TBC1D24: variants seen among roughly 807,000 people sequenced by gnomAD.
TBC1D24 encodes the protein TBC1 domain family member 24.
In TBC1D24, 47 loss-of-function variants were observed where a neutral mutation model predicts 50.7. That is an observed-to-expected ratio of 0.93 (90% CI 0.73 to 1.18). The LOEUF (loss-of-function observed/expected upper bound fraction) is 1.18. Among genes scored for constraint, TBC1D24 ranks in the 50% most tolerant of loss-of-function variants. The pLI is 0.00. For missense variants in TBC1D24, 688 were observed against 766.5 expected, an observed-to-expected ratio of 0.90 and a Z score of 1.21; for synonymous variants, 324 against 335.2, an observed-to-expected ratio of 0.97 and a Z score of 0.36.
Position 2,504,625 on chromosome 16 carries a change from T to G in TBC1D24, c.*3667T>G, listed in dbSNP as rs901298111. ...TAGTAGAGATGGGGTTTCACCGTGT[T>G]AGCCAGGATGGTCTTGATCTCCTGA... On this transcript the variant is annotated 3_prime_UTR_variant, in exon 8 of 8. Transcript: ENST00000646147. The G allele has an allele frequency of 1.3e-5, 2 of 152,124 alleles. No homozygotes were observed. The highest frequency in any genetic ancestry group is 6.6e-5 in the Admixed American group (1 of 15,266). 9.4% of individuals were successfully genotyped at this position (152,124 alleles called of 1,614,324 possible).
At chr16:2,477,882 T>C (rs2065581179) in intron 1 of TBC1D24, 1 of 152,230 alleles carries the variant, frequency 6.6e-6, no homozygotes, top group Non-Finnish European at 1.5e-5. Flanking sequence ...GGACAGTGGA[T>C]ATAAAGTGAC....
chr16:2,492,722 G>A (rs1017574802), intron 1 of TBC1D24, among the ~76,000 whole-genome samples: 1 of 152,194 alleles, frequency 6.6e-6, no homozygotes, highest in African/African-American at 2.4e-5. Flanking sequence ...CTCCCAGGAC[G>A]AAGCAAACCA....
chr16:2,497,982 C>T (rs187714142), intron 3 of TBC1D24, among the ~76,000 whole-genome samples: 67 of 152,346 alleles, frequency 4.4e-4, no homozygotes, highest in Admixed American at 2.0e-3. Flanking sequence ...TGCTCTCTGT[C>T]CTGATTTCTT....
chr16:2,492,844 G>C (rs1404025245), intron 1 of TBC1D24, among the ~76,000 whole-genome samples: 2 of 152,114 alleles, frequency 1.3e-5, no homozygotes, highest in African/African-American at 2.4e-5. Flanking sequence ...TCTAATCTCA[G>C]CACTTTGGGA....
chr16:2,496,584 ATCGACGAGGCCGAGTGCT>A lies in TBC1D24; in HGVS notation c.441_458del (p.Asp147_Phe152del). 1 of 1,609,496 alleles carries A rather than the reference ATCGACGAGGCCGAGTGCT, an allele frequency of 6.2e-7. No homozygotes were observed. The highest frequency in any genetic ancestry group is 1.1e-5 in the South Asian group (1 of 91,088). On this transcript the variant is annotated inframe_deletion, in exon 2 of 8. Transcript: ENST00000646147. ...GGTGGCCCTGCTGCTGCACTACAGC[ATCGACGAGGCCGAGTGCT>A]TCGAGAAGGCCTGCCGCATCCTGGC... is the stretch of plus-strand genomic sequence containing the variant.
rs145100093 is a variant in TBC1D24 at position 2,490,988 on chromosome 16, C to T, written c.-115-5046C>T. On this transcript the variant is annotated intron_variant, in intron 1 of 7. Transcript: ENST00000646147. ...CAGATAGACAACAGGGAAAGCCACT[C>T]GGCCGTGAAAGCTCACCTCCAGAGT... Among the ~76,000 whole-genome samples the T allele has an allele frequency of 4.3e-3, 657 of 152,332 alleles. 2 individuals carry two copies. Among genetic ancestry groups the T allele is most frequent in the Non-Finnish European group, 6.3e-3 (432 of 68,036 alleles).
In TBC1D24 at chr16:2,493,970, G is replaced by T. The variant is rs574540565; in HGVS notation, c.-115-2064G>T. Among the ~76,000 whole-genome samples the T allele has an allele frequency of 2.0e-5, 3 of 152,312 alleles. No individual in the cohort carries two copies. In the East Asian group the frequency reaches 5.8e-4, roughly 29 times the overall value. Reference sequence around the variant, plus strand: ...CCAGCTCTCCCTCTGGAAAATGCCTGCTCCTCACCAGAGATTCCTCCCTGG... The same window carrying T: ...CCAGCTCTCCCTCTGGAAAATGCCTTCTCCTCACCAGAGATTCCTCCCTGG... On this transcript the variant is annotated intron_variant, in intron 1 of 7. Transcript: ENST00000646147.
At position 2,483,109 on chromosome 16, in the gene TBC1D24, G is replaced by T. The variant is rs1374057585; in HGVS notation, c.-116+7939G>T. The T allele has an allele frequency of 2.0e-5, 3 of 152,836 alleles. No homozygotes were observed. The highest frequency in any genetic ancestry group is 2.9e-5 in the Non-Finnish European group (2 of 68,462). The allele number at this position is 152,836 out of a possible 1,614,324, so 9.5% of individuals were successfully genotyped here. ...GAGGTGAGAGCCAGGACTGAGGGGG[G>T]GCCTTGGTCTGTGGTGGGAATGCAG... On this transcript the variant is annotated intron_variant, in intron 1 of 7. Coordinates refer to ENST00000646147, the MANE Select transcript of TBC1D24 (RefSeq NM_001199107.2). This position sits in a 1 kb window ranked among gnomAD's most constrained non-coding sequence, Gnocchi z 4.0.
At position 2,496,631 on chromosome 16, in the gene TBC1D24, C is replaced by T; in HGVS notation, c.483C>T (p.Cys161=). The change falls in exon 2 of 8, where the codon TGC becomes TGT. Residue 161 remains cysteine (C), a synonymous_variant. Coordinates refer to ENST00000646147, the MANE Select transcript of TBC1D24 (RefSeq NM_001199107.2). ...AGAAGGCCTGCCGCATCCTGGCCTG[C>T]AATGACCCCGGCAGGAGGCTGATCG... ...CFEKACRILA[C]NDPGRRLIDQ... 6.2e-7 allele frequency: 1 copy of T among 1,612,086 alleles called. No homozygotes were observed. Among genetic ancestry groups the T allele is most frequent in the African/African-American group, 1.3e-5 (1 of 75,064 alleles).
At position 2,500,372 on chromosome 16, in the gene TBC1D24, C is replaced by T. The variant is rs2141877201; in HGVS notation, c.1407C>T (p.His469=). ...CCGAGCCCACCGCCCCACTCAGCCA[C>T]TCCGCCTCCTCAGACCCCGCTGACC... ...MAAEPTAPLS[H]SASSDPADRL... Residue 469 remains histidine (H), a synonymous_variant, in exon 7 of 8, where the codon CAC becomes CAT. Coordinates refer to ENST00000646147, the MANE Select transcript of TBC1D24 (RefSeq NM_001199107.2). The surrounding 1 kb of genome is among the most constrained non-coding windows in gnomAD (Gnocchi z 8.0). 1.9e-6 allele frequency: 3 copies of T among 1,607,858 alleles called. No individual in the cohort carries two copies. Among genetic ancestry groups the T allele is most frequent in the Non-Finnish European group, 2.5e-6 (3 of 1,177,848 alleles).
Position 2,496,934 on chromosome 16 carries a change from G to T in TBC1D24, c.786G>T (p.Ser262=). The T allele has an allele frequency of 6.2e-7, 1 of 1,614,002 alleles. No individual in the cohort carries two copies. The highest frequency in any genetic ancestry group is 8.5e-7 in the Non-Finnish European group (1 of 1,180,046). ...TGAGGGCCGGGCAGCCGCTGGAGTCGGACAGCGTGAAGCAGGACATCCGCA... is the reference window on the plus strand; with the variant it reads ...TGAGGGCCGGGCAGCCGCTGGAGTCTGACAGCGTGAAGCAGGACATCCGCA... ...HKVRAGQPLE[S]DSVKQDIRTF... The change falls in exon 2 of 8, where the codon TCG becomes TCT. Residue 262 remains serine, a synonymous_variant. Coordinates refer to ENST00000646147, the MANE Select transcript of TBC1D24 (RefSeq NM_001199107.2).
chr16:2,490,734 C>T (rs1202657995), intron 1 of TBC1D24, among the ~76,000 whole-genome samples: 4 of 152,230 alleles, frequency 2.6e-5, no homozygotes, highest in Admixed American at 6.5e-5. Context: ...ACGGCTTGTC[C>T]GCATTTCAAG....
rs1455396051 is a variant in TBC1D24, at chr16:2,486,922, C to G, written c.-115-9112C>G. Among the ~76,000 whole-genome samples, 1 of 152,222 alleles carries G rather than the reference C, an allele frequency of 6.6e-6. No individual in the cohort carries two copies. The highest frequency in any genetic ancestry group is 1.5e-5 in the Non-Finnish European group (1 of 68,038). On this transcript the variant is annotated intron_variant, in intron 1 of 7. Coordinates refer to ENST00000646147, the MANE Select transcript of TBC1D24 (RefSeq NM_001199107.2). This position sits in a 1 kb window ranked among gnomAD's most constrained non-coding sequence, Gnocchi z 5.8. ...ATCTCTGGGGGTCCCCTCATCTTCT[C>G]CACCCTCCCGGTCTAGACTCTGCCT...
At position 2,496,775 on chromosome 16, in the gene TBC1D24, T is replaced by C. The variant is rs373749853; in HGVS notation, c.627T>C (p.Tyr209=). 4 of 1,614,028 alleles carry C rather than the reference T, an allele frequency of 2.5e-6. No homozygotes were observed. Among genetic ancestry groups the C allele is most frequent in the Non-Finnish European group, 3.4e-6 (4 of 1,180,042 alleles). The change falls in exon 2 of 8, where the codon TAT becomes TAC. Residue 209 remains tyrosine (Y), a synonymous_variant. Transcript: ENST00000646147. ...VAVSEDVLQV[Y]ADWQRWLFGE... Reference sequence around the variant, plus strand: ...TGTCGGAGGATGTCCTGCAGGTCTATGCGGACTGGCAGCGCTGGCTGTTTG... The same window carrying C: ...TGTCGGAGGATGTCCTGCAGGTCTACGCGGACTGGCAGCGCTGGCTGTTTG...
chr16:2,498,341 C>G lies in TBC1D24; in HGVS notation c.1087C>G (p.Leu363Val), dbSNP rs1268044341. ...GTCCTGGGTCCCCGAGCGCTTTGCCCTGTGCCAGCCCCTTCTGCTGTTCTC... is the reference window on the plus strand; with the variant it reads ...GTCCTGGGTCCCCGAGCGCTTTGCCGTGTGCCAGCCCCTTCTGCTGTTCTC... Reference protein sequence around the residue: ...IWSWVPERFALCQPLLLFSSL... With the variant: ...IWSWVPERFAVCQPLLLFSSL... Residue 363 changes from leucine (L) to valine (V), a missense_variant, in exon 4 of 8, where the codon CTG (leucine) becomes GTG (valine). Leu to Val is a conservative substitution (Grantham distance 32). Transcript: ENST00000646147. 1 of 1,609,962 alleles carries G rather than the reference C, an allele frequency of 6.2e-7. No homozygotes were observed. The highest frequency in any genetic ancestry group is 1.7e-5 in the Admixed American group (1 of 59,558).
intron 4 of TBC1D24, 87 bp downstream of exon 4, chr16:2,498,483 G>A (rs370876541): frequency 6.9e-6 from 9 of 1,306,238 alleles, no homozygotes; most frequent in East Asian, 5.0e-5. Context: ...CTCAAACCTC[G>A]GCACCTGGTG....
intron 1 of TBC1D24, among the ~76,000 whole-genome samples, chr16:2,491,432 T>C (rs1276784304): frequency 6.6e-6 from 1 of 152,046 alleles, no homozygotes; most frequent in African/African-American, 2.4e-5. Flanking sequence ...TCACCCAGGC[T>C]GGATGGAGTT....
rs1160317286 is a variant in TBC1D24, at chr16:2,503,904, G to A, written c.*2946G>A. 2.6e-5 allele frequency: 4 copies of A among 152,004 alleles called. No individual in the cohort carries two copies. Among genetic ancestry groups the A allele is most frequent in the Non-Finnish European group, 5.9e-5 (4 of 68,002 alleles). 9.4% of individuals were successfully genotyped at this position (152,004 alleles called of 1,614,324 possible). On this transcript the variant is annotated 3_prime_UTR_variant, in exon 8 of 8. Transcript: ENST00000646147. The stretch of plus-strand genomic sequence containing the variant: ...ATAGACCACTTTGTGCTGAATAAAT[G>A]TTTAACATTTATTTTTAAAACAACA...
In TBC1D24 at chr16:2,498,292, C is replaced by T. The variant is rs377697825; in HGVS notation, c.1038C>T (p.Ser346=). The T allele has an allele frequency of 8.7e-5, 140 of 1,611,694 alleles. No individual in the cohort carries two copies. The African/African-American group carries it at 9.3e-4, about 11-fold the overall frequency. The part of the protein sequence containing the change: ...HAENFRSEIV[S]VREMRDIWSW... ...AGAACTTCCGCTCGGAGATCGTCAGCGTGAGGGAGATGAGAGACATCTGGT... is the reference window on the plus strand; with the variant it reads ...AGAACTTCCGCTCGGAGATCGTCAGTGTGAGGGAGATGAGAGACATCTGGT... The change falls in exon 4 of 8, where the codon AGC becomes AGT. Residue 346 remains serine, a synonymous_variant. Coordinates refer to ENST00000646147, the MANE Select transcript of TBC1D24 (RefSeq NM_001199107.2).
Sources: allele counts gnomAD v4.1 joint callset (sites outside exome capture counted in the v4.1 genomes callset), GRCh38; gene constraint gnomAD v4.1.1; non-coding constraint Gnocchi (gnomAD v3.1); transcripts MANE v1.5; gene names NCBI Gene and HGNC (gene_info 2026-07-23, HGNC 2026-07-21).